The following CDK14 variants were observed in gnomAD, a reference collection of about 807,000 sequenced individuals.
CDK14 encodes cyclin-dependent kinase 14.
In CDK14, 34 loss-of-function variants were observed where a neutral mutation model predicts 60.7. That is an observed-to-expected ratio of 0.56 (90% CI 0.43 to 0.75). The LOEUF is 0.75. Among genes scored for constraint, CDK14 ranks in the 30% least tolerant of loss-of-function variants. The probability of loss-of-function intolerance (pLI) is 0.00; values close to 1 mark genes in which losing one functional copy is unlikely to be tolerated. For missense variants in CDK14, 482 were observed against 564.1 expected (o/e 0.85, Z 1.47); for synonymous variants, 197 against 203.7 (o/e 0.97, Z 0.28).
chr7:90,849,567 C>T (rs979321395), intron 5 of CDK14, among the ~76,000 whole-genome samples: 21 of 151,880 alleles, frequency 1.4e-4, no homozygotes, highest in African/African-American at 3.2e-4. Flanking sequence ...AAGAGCTCTG[C>T]GCTCTTGGGG....
chr7:90,936,531 C>G (rs1317895851), intron 8 of CDK14, among the ~76,000 whole-genome samples: 1 of 151,908 alleles, frequency 6.6e-6, no homozygotes, highest in African/African-American at 2.4e-5. Context: ...TCTCTTTTTT[C>G]CTTTGAACTC....
chr7:90,678,498 T>C (rs1013798316), intron 2 of CDK14, among the ~76,000 whole-genome samples: 3 of 152,232 alleles, frequency 2.0e-5, no homozygotes, highest in African/African-American at 4.8e-5. Flanking sequence ...TCTGTGCTTA[T>C]TCATTTTATA....
At chr7:90,755,220 C>A (rs1308104913) in intron 4 of CDK14, among the ~76,000 whole-genome samples, 2 of 152,124 alleles carry the variant, frequency 1.3e-5, no homozygotes, top group Non-Finnish European at 2.9e-5. Context: ...ACCTACATGC[C>A]CATCAGTAGT....
At chr7:91,040,331 G>A (rs1478497885) in intron 10 of CDK14, among the ~76,000 whole-genome samples, 1 of 152,076 alleles carries the variant, frequency 6.6e-6, no homozygotes, top group African/African-American at 2.4e-5. Flanking sequence ...CATACCATCT[G>A]TTCCAGAGCA....
intron 8 of CDK14, among the ~76,000 whole-genome samples, chr7:90,925,678 A>G (rs962467913): frequency 6.6e-6 from 1 of 152,204 alleles, no homozygotes; most frequent in Non-Finnish European, 1.5e-5. Flanking sequence ...CCTGAACAAC[A>G]TAGCAAGACC....
At chr7:90,834,272 C>T (rs1362496333) in intron 5 of CDK14, among the ~76,000 whole-genome samples, 6 of 152,176 alleles carry the variant, frequency 3.9e-5, no homozygotes, top group Non-Finnish European at 7.3e-5. Context: ...TATTAATCAA[C>T]AGTGGTAGTA....
At chr7:90,843,632 T>C (rs1790371741) in intron 5 of CDK14, among the ~76,000 whole-genome samples, 1 of 152,132 alleles carries the variant, frequency 6.6e-6, no homozygotes, top group Non-Finnish European at 1.5e-5. Context: ...TTGAGACCCA[T>C]GGCAAAGTTC....
intron 10 of CDK14, among the ~76,000 whole-genome samples, chr7:91,037,788 T>C (rs1215353613): frequency 1.3e-5 from 2 of 152,114 alleles, no homozygotes; most frequent in African/African-American, 2.4e-5. Context: ...CAAAGGTTAC[T>C]GCCCAGACGC....
chr7:91,187,994 G>A (rs1282442162), intron 14 of CDK14, among the ~76,000 whole-genome samples: 1 of 152,198 alleles, frequency 6.6e-6, no homozygotes, highest in Non-Finnish European at 1.5e-5. Flanking sequence ...ACAACTGCCG[G>A]CATTCATCCG....
At chr7:91,135,768 C>T (rs577438271) in intron 14 of CDK14, among the ~76,000 whole-genome samples, 1 of 152,192 alleles carries the variant, frequency 6.6e-6, no homozygotes, top group South Asian at 2.1e-4. Context: ...TCAAAGCATC[C>T]CCCTTTGCCA....
intron 11 of CDK14, among the ~76,000 whole-genome samples, chr7:91,057,610 A>G (rs940434187): frequency 6.6e-6 from 1 of 152,232 alleles, no homozygotes; most frequent in Non-Finnish European, 1.5e-5. Flanking sequence ...ATCCATTTTC[A>G]GCTTTCTACA....
At chr7:90,785,550 C>G (rs556615511) in intron 4 of CDK14, among the ~76,000 whole-genome samples, 25 of 152,164 alleles carry the variant, frequency 1.6e-4, no homozygotes, top group Admixed American at 6.5e-4. Context: ...CTATGGGAGG[C>G]CGAGATGGGC....
rs535636999 is a variant in CDK14, at chr7:91,173,624, C to T, written c.*29-33541C>T. Among the ~76,000 whole-genome samples the T allele has an allele frequency of 1.2e-3, 179 of 152,266 alleles. 2 individuals carry two copies. The highest frequency in any genetic ancestry group is 3.8e-3 in the African/African-American group (157 of 41,574). On this transcript the variant is annotated intron_variant, in intron 14 of 14. Transcript: ENST00000380050. ...GCACCGTGCGCGAGCCGAAGCAGGGCGAGGCATTGCCTCACTTGGGAAGCA... is the reference window on the plus strand; with the variant it reads ...GCACCGTGCGCGAGCCGAAGCAGGGTGAGGCATTGCCTCACTTGGGAAGCA...
At chr7:91,101,994 C>G (rs1799158089) in intron 12 of CDK14, among the ~76,000 whole-genome samples, 1 of 152,176 alleles carries the variant, frequency 6.6e-6, no homozygotes, top group South Asian at 2.1e-4. Flanking sequence ...ACTGCTGCAT[C>G]TGACAGTTCT....
chr7:90,737,039 A>G (rs1803144220), intron 3 of CDK14, among the ~76,000 whole-genome samples: 1 of 152,150 alleles, frequency 6.6e-6, no homozygotes, highest in Non-Finnish European at 1.5e-5. Flanking sequence ...AGGTTTTTAA[A>G]TTTGTTTCAG....
intron 2 of CDK14, among the ~76,000 whole-genome samples, chr7:90,642,742 CCA>C (rs1800368667): frequency 6.6e-6 from 1 of 152,012 alleles, no homozygotes; most frequent in Non-Finnish European, 1.5e-5. Flanking sequence ...AAGGGTTGAA[CCA>C]ATTTTTCTCA....
intron 8 of CDK14, among the ~76,000 whole-genome samples, chr7:90,947,998 A>G (rs1033822110): frequency 1.3e-5 from 2 of 152,218 alleles, no homozygotes; most frequent in African/African-American, 4.8e-5. Context: ...TAACACATAT[A>G]GATACATACT....
intron 9 of CDK14, among the ~76,000 whole-genome samples, chr7:90,977,714 C>A (rs1036872834): frequency 2.0e-5 from 3 of 152,268 alleles, no homozygotes; most frequent in African/African-American, 7.2e-5. Context: ...ACTCCTACTT[C>A]CATGCTGTAC....
chr7:90,933,056 T>C (rs1343603746), intron 8 of CDK14, among the ~76,000 whole-genome samples: 3 of 152,168 alleles, frequency 2.0e-5, no homozygotes, highest in East Asian at 1.9e-4. Context: ...GGAATAACAG[T>C]TGGCTGGGCA....
Sources: gnomAD v4.1 joint callset for allele counts (sites outside exome capture counted in the v4.1 genomes callset) on GRCh38, gnomAD v4.1.1 for gene constraint, MANE v1.5 for transcripts, NCBI Gene and HGNC (gene_info 2026-07-23, HGNC 2026-07-21) for gene names.